The following ADRA1A variants were observed in gnomAD, a reference collection of about 807,000 sequenced individuals.
ADRA1A encodes the protein adrenoceptor alpha 1A.
ADRA1A carries 31 observed loss-of-function variants against 29.6 expected under a neutral mutation model. The ratio of observed to expected loss-of-function variants is 1.05; its 90% CI spans 0.79 to 1.41. The LOEUF is 1.41. ADRA1A is among the 40% of genes most tolerant of loss of function. The pLI is 0.00. For missense variants in ADRA1A, 619 were observed against 601.1 expected, an observed-to-expected ratio of 1.03 and a Z score of -0.31; for synonymous variants, 311 against 254.3, an observed-to-expected ratio of 1.22 and a Z score of -2.12.
At chr8:26,786,230 T>C (rs1042988846) in intron 2 of ADRA1A, among the ~76,000 whole-genome samples, 10 of 129,900 alleles carry the variant, frequency 7.7e-5, no homozygotes, top group African/African-American at 3.6e-4. Flanking sequence ...TTTTTTATTT[T>C]TATTTTTAAA....
chr8:26,801,694 C>G (rs769806003), intron 2 of ADRA1A, among the ~76,000 whole-genome samples: 1 of 151,958 alleles, frequency 6.6e-6, no homozygotes, highest in Non-Finnish European at 1.5e-5. Flanking sequence ...AAACACAAAG[C>G]AATCTACAGA....
intron 2 of ADRA1A, among the ~76,000 whole-genome samples, chr8:26,822,394 C>T (rs1013286184): frequency 2.6e-5 from 4 of 152,298 alleles, no homozygotes; most frequent in Middle Eastern, 3.4e-3. Flanking sequence ...CTACTCAGAA[C>T]TTGAAATGTG....
intron 2 of ADRA1A, among the ~76,000 whole-genome samples, chr8:26,751,033 C>A (rs934895892): frequency 1.3e-5 from 2 of 149,642 alleles, no homozygotes; most frequent in African/African-American, 4.9e-5. Flanking sequence ...TGTGCTATTG[C>A]ACTCCAGCCT....
At position 26,821,268 on chromosome 8, in the gene ADRA1A, A is replaced by G. The variant is rs192212331; in HGVS notation, c.883+42819T>C. Among the ~76,000 whole-genome samples the G allele has an allele frequency of 1.3e-3, 196 of 152,266 alleles. No individual in the cohort carries two copies. The highest frequency in any genetic ancestry group is 4.6e-3 in the African/African-American group (190 of 41,558). On this transcript the variant is annotated intron_variant, in intron 2 of 2. Transcript: ENST00000380573. The surrounding 1 kb of genome is among the most constrained non-coding windows in gnomAD (Gnocchi z 5.6). Reference sequence around the variant, plus strand: ...ATAAAGAAAGAGGTTTAATTGGCTCATGTTGCTGCAGGCTGTACAAACATG... The same window carrying G: ...ATAAAGAAAGAGGTTTAATTGGCTCGTGTTGCTGCAGGCTGTACAAACATG...
At chr8:26,842,885 AC>A (rs1811933540) in intron 2 of ADRA1A, among the ~76,000 whole-genome samples, 4 of 151,122 alleles carry the variant, frequency 2.6e-5, no homozygotes, top group African/African-American at 4.9e-5. Flanking sequence ...ACACACACAC[AC>A]ACACACACAC....
At chr8:26,840,078 A>G (rs1811707582) in intron 2 of ADRA1A, among the ~76,000 whole-genome samples, 1 of 152,266 alleles carries the variant, frequency 6.6e-6, no homozygotes. Flanking sequence ...GGGTTGTTGA[A>G]TCTATGTTGT....
chr8:26,849,700 A>G (rs1026106004), intron 2 of ADRA1A, among the ~76,000 whole-genome samples: 3 of 152,226 alleles, frequency 2.0e-5, no homozygotes, highest in Non-Finnish European at 4.4e-5. Context: ...AAAAAGAGAA[A>G]AAGTACTGTT....
chr8:26,762,333 T>TG (rs1326995524), downstream of ADRA1A, among the ~76,000 whole-genome samples: 10 of 152,178 alleles, frequency 6.6e-5, no homozygotes, highest in East Asian at 1.9e-3. This position sits in a 1 kb window ranked among gnomAD's most constrained non-coding sequence, Gnocchi z 4.0. Context: ...TAAAAGTCAT[T>TG]GGGGGCCTTC....
chr8:26,859,082 C>T (rs1171708863), intron 2 of ADRA1A: 2 of 1,286,160 alleles, frequency 1.6e-6, no homozygotes, highest in African/African-American at 3.0e-5. Flanking sequence ...CACTTCTCAG[C>T]TGTGGATAGC....
intron 2 of ADRA1A, among the ~76,000 whole-genome samples, chr8:26,773,945 G>T (rs955831352): frequency 2.0e-5 from 3 of 152,150 alleles, no homozygotes; most frequent in Non-Finnish European, 2.9e-5. Flanking sequence ...CTTCAACATG[G>T]CTCAGGTATA....
chr8:26,763,948 A>G (rs1280332874), downstream of ADRA1A, among the ~76,000 whole-genome samples: 1 of 152,206 alleles, frequency 6.6e-6, no homozygotes, highest in East Asian at 1.9e-4. This position sits in a 1 kb window ranked among gnomAD's most constrained non-coding sequence, Gnocchi z 4.5. Context: ...TATACATTAA[A>G]TAGATTTTTA....
At chr8:26,808,484 T>C (rs888446729) in intron 2 of ADRA1A, among the ~76,000 whole-genome samples, 1 of 152,238 alleles carries the variant, frequency 6.6e-6, no homozygotes, top group African/African-American at 2.4e-5. Flanking sequence ...TTTTCTTCTT[T>C]GGTGATCTTG....
chr8:26,820,427 T>C (rs928145042), intron 2 of ADRA1A, among the ~76,000 whole-genome samples: 1 of 152,180 alleles, frequency 6.6e-6, no homozygotes, highest in Non-Finnish European at 1.5e-5. Context: ...ATTACCTCAA[T>C]AGTGCTGGAA....
intron 2 of ADRA1A, among the ~76,000 whole-genome samples, chr8:26,771,228 T>A (rs1382055020): frequency 6.6e-6 from 1 of 152,226 alleles, no homozygotes; most frequent in African/African-American, 2.4e-5. Flanking sequence ...CAATCACTTT[T>A]CCTAGATGAT....
chr8:26,809,855 T>C (rs1248920631), intron 2 of ADRA1A, among the ~76,000 whole-genome samples: 3 of 152,218 alleles, frequency 2.0e-5, no homozygotes, highest in Non-Finnish European at 4.4e-5. Flanking sequence ...GGACATGGCT[T>C]ACCTCTCTAA....
chr8:26,795,875 A>G (rs1342094974), intron 2 of ADRA1A, among the ~76,000 whole-genome samples: 1 of 152,152 alleles, frequency 6.6e-6, no homozygotes, highest in African/African-American at 2.4e-5. Flanking sequence ...CAAGAAAAAG[A>G]AAGCGTAAGG....
chr8:26,772,909 A>G (rs1281745955), intron 2 of ADRA1A, among the ~76,000 whole-genome samples: 1 of 152,072 alleles, frequency 6.6e-6, no homozygotes, highest in African/African-American at 2.4e-5. Context: ...GAAAACATGT[A>G]AAGTGAGAAA....
At chr8:26,857,906 T>G (rs1319456687) in intron 2 of ADRA1A, among the ~76,000 whole-genome samples, 2 of 152,218 alleles carry the variant, frequency 1.3e-5, no homozygotes, top group East Asian at 3.9e-4. Context: ...ATCTAATTGT[T>G]CAGATGTTCT....
At chr8:26,767,088 C>T (rs1440612046), downstream of ADRA1A, among the ~76,000 whole-genome samples, 1 of 152,064 alleles carries the variant, frequency 6.6e-6, no homozygotes, top group Admixed American at 6.6e-5. Flanking sequence ...CAGGGTCTCT[C>T]ATAATGCATG....
Sources: allele counts gnomAD v4.1 joint callset (sites outside exome capture counted in the v4.1 genomes callset), GRCh38; gene constraint gnomAD v4.1.1; non-coding constraint Gnocchi (gnomAD v3.1); transcripts MANE v1.5; gene names NCBI Gene and HGNC (gene_info 2026-07-23, HGNC 2026-07-21).